CDH23: variants seen among roughly 807,000 people sequenced by gnomAD.
CDH23 encodes the protein cadherin-23.
A neutral mutation model predicts 317.1 loss-of-function variants in CDH23; 189 were observed. The observed-to-expected ratio is 0.60, with a 90% CI of 0.53 to 0.67. CDH23 has a LOEUF of 0.67. Ranked by LOEUF, CDH23 falls within the 30% of genes least tolerant of loss-of-function variation. The pLI is 0.00. For missense variants in CDH23, 4,401 were observed against 4,592.4 expected, an observed-to-expected ratio of 0.96 and a Z score of 1.20; for synonymous variants, 1,839 against 1,876.8, an observed-to-expected ratio of 0.98 and a Z score of 0.52.
At chr10:71,562,886 G>C (rs7068534) in intron 6 of CDH23, among the ~76,000 whole-genome samples, 21,661 of 151,878 alleles carry the variant, frequency 0.14, 1,828 homozygotes, top group East Asian at 0.29. Flanking sequence ...GCCTGTCATG[G>C]TGCCCACTCC....
Position 71,678,690 on chromosome 10 carries a change from G to T in CDH23, c.1753-697G>T, listed in dbSNP as rs143847945. ...ACCCGGAGTGGTGGGGACCACTGGAGGCTCTAGAGTGAGGGACAACCTGGA... is the reference window on the plus strand; with the variant it reads ...ACCCGGAGTGGTGGGGACCACTGGATGCTCTAGAGTGAGGGACAACCTGGA... On this transcript the variant is annotated intron_variant, in intron 16 of 69. Coordinates refer to ENST00000224721, the MANE Select transcript of CDH23 (RefSeq NM_022124.6). 5.1e-3 allele frequency among the ~76,000 whole-genome samples: 784 copies of T among 152,330 alleles called. 11 individuals are homozygous for T. The highest frequency in any genetic ancestry group is 0.018 in the African/African-American group (751 of 41,556).
At chr10:71,502,969 C>A (rs1244967195) in intron 3 of CDH23, among the ~76,000 whole-genome samples, 3 of 152,226 alleles carry the variant, frequency 2.0e-5, no homozygotes, top group African/African-American at 7.2e-5. Flanking sequence ...CTCCAGGAGC[C>A]GCATGACCAC....
At chr10:71,698,713 C>A (rs1055899154) in intron 22 of CDH23, among the ~76,000 whole-genome samples, 2 of 152,208 alleles carry the variant, frequency 1.3e-5, no homozygotes, top group Non-Finnish European at 2.9e-5. Flanking sequence ...CTTAGAGAGG[C>A]CCTGCCTGAC....
At chr10:71,740,782 C>T (rs1839712083) in intron 36 of CDH23, 40 bp from the exon 37 acceptor site, 1 of 1,612,544 alleles carries the variant, frequency 6.2e-7, no homozygotes, top group South Asian at 1.1e-5. Flanking sequence ...TCCTGCCCGC[C>T]ACGCTTTAGC....
At position 71,702,294 on chromosome 10, in the gene CDH23, G is replaced by A; in HGVS notation, c.2587+83G>A. The A allele has an allele frequency of 2.8e-6, 4 of 1,453,268 alleles. No individual in the cohort carries two copies. In the South Asian group the frequency reaches 4.9e-5, roughly 18 times the overall value. The allele number at this position is 1,453,268 out of a possible 1,614,324, so 90.0% of individuals were successfully genotyped here. ...TGACTGGGCCTCTGGGGTACCTGGG[G>A]CCCACCCAGGAGGTCTATGTCTGAT... On this transcript the variant is annotated intron_variant, in intron 23 of 69. Coordinates refer to ENST00000224721, the MANE Select transcript of CDH23 (RefSeq NM_022124.6).
At chr10:71,814,659 C>G (rs1842060164) in intron 69 of CDH23, among the ~76,000 whole-genome samples, 1 of 147,152 alleles carries the variant, frequency 6.8e-6, no homozygotes, top group African/African-American at 2.5e-5. Flanking sequence ...CACACACACA[C>G]ACAATTTTCA....
intron 49 of CDH23, 58 bp downstream of exon 49, chr10:71,797,278 C>A: frequency 2.4e-6 from 3 of 1,238,054 alleles, no homozygotes; most frequent in Non-Finnish European, 2.3e-6. Context: ...GGGCAGGGGG[C>A]AGGTGGGGAA....
intron 38 of CDH23, chr10:71,749,829 T>C (rs1013226200): frequency 1.4e-5 from 2 of 147,538 alleles, no homozygotes; most frequent in African/African-American, 2.6e-5. Flanking sequence ...CCCCAAGCAA[T>C]TGGGCGAACA....
chr10:71,667,324 T>A (rs1437733247), intron 14 of CDH23, among the ~76,000 whole-genome samples: 1 of 141,596 alleles, frequency 7.1e-6, no homozygotes, highest in Non-Finnish European at 1.5e-5. Flanking sequence ...TGGAGACAAG[T>A]AGGGGTGCTG....
At chr10:71,660,470 G>A (rs533629396) in intron 14 of CDH23, among the ~76,000 whole-genome samples, 1 of 152,072 alleles carries the variant, frequency 6.6e-6, no homozygotes, top group Non-Finnish European at 1.5e-5. Flanking sequence ...ATGGTCCCAG[G>A]TGGTTGCCAG....
chr10:71,763,431 T>C (rs1840449319), intron 38 of CDH23, among the ~76,000 whole-genome samples: 1 of 152,230 alleles, frequency 6.6e-6, no homozygotes, highest in Non-Finnish European at 1.5e-5. Context: ...GCCAGGGGCA[T>C]TGCCCAGAAC....
intron 3 of CDH23, among the ~76,000 whole-genome samples, chr10:71,478,069 G>A (rs187336833): frequency 6.6e-6 from 1 of 152,268 alleles, no homozygotes; most frequent in East Asian, 1.9e-4. Context: ...CTTCCAACTA[G>A]TCTCCTTGCT....
rs1436301861 is a variant in CDH23 at position 71,664,159 on chromosome 10, A to G, written c.1450-10953A>G. On this transcript the variant is annotated intron_variant, in intron 14 of 69. Coordinates refer to ENST00000224721, the MANE Select transcript of CDH23 (RefSeq NM_022124.6). ...CCAGCAAGAGGCCCCAGAGACCACC[A>G]GGTGGTGCCAGGCACTTGGCACAGG... Among the ~76,000 whole-genome samples the G allele has an allele frequency of 2.0e-5, 3 of 152,136 alleles. No homozygotes were observed. In the East Asian group the frequency reaches 5.8e-4, roughly 29 times the overall value.
At chr10:71,619,216 T>G (rs10823802) in intron 11 of CDH23, among the ~76,000 whole-genome samples, 5,723 of 151,602 alleles carry the variant, frequency 0.038, 372 homozygotes, top group East Asian at 0.3. Flanking sequence ...GCACCTGTAA[T>G]CCCAGCTACT....
At chr10:71,706,795 G>C in intron 25 of CDH23, 102 bp from the exon 26 acceptor site, 1 of 1,489,454 alleles carries the variant, frequency 6.7e-7, no homozygotes, top group South Asian at 1.3e-5. Flanking sequence ...ACTCCCTTGG[G>C]AATTCATTCC....
intron 1 of CDH23, among the ~76,000 whole-genome samples, chr10:71,408,699 A>G (rs1197969809): frequency 2.6e-5 from 4 of 152,202 alleles, no homozygotes; most frequent in Non-Finnish European, 5.9e-5. Context: ...GCCCATGAAT[A>G]ATACAGCGGG....
intron 43 of CDH23, 32 bp downstream of exon 43, chr10:71,785,132 C>T: frequency 6.4e-7 from 1 of 1,573,924 alleles, no homozygotes; most frequent in South Asian, 1.1e-5. Flanking sequence ...GGGAGCTTCC[C>T]AGGGTTTCCA....
intron 38 of CDH23, among the ~76,000 whole-genome samples, chr10:71,769,319 C>A (rs1589410891): frequency 1.3e-5 from 2 of 152,234 alleles, no homozygotes; most frequent in East Asian, 1.9e-4. Context: ...CCTTCCCAGG[C>A]TAAAGTTTCC....
intron 11 of CDH23, among the ~76,000 whole-genome samples, chr10:71,633,732 C>T (rs1237001017): frequency 4.6e-5 from 7 of 152,146 alleles, no homozygotes; most frequent in Admixed American, 3.9e-4. Context: ...CCTCCTATGA[C>T]GGTGGGATCC....
Sources: gnomAD v4.1 joint callset for allele counts (sites outside exome capture counted in the v4.1 genomes callset) on GRCh38, gnomAD v4.1.1 for gene constraint, MANE v1.5 for transcripts, NCBI Gene and HGNC (gene_info 2026-07-23, HGNC 2026-07-21) for gene names.